DBX2: variants seen among roughly 807,000 people sequenced by gnomAD.
DBX2 encodes homeobox protein DBX2.
A neutral mutation model predicts 17.7 loss-of-function variants in DBX2; 16 were observed. The ratio of observed to expected loss-of-function variants is 0.90; its 90% CI spans 0.61 to 1.37. DBX2 has a LOEUF of 1.37. Among genes scored for constraint, DBX2 ranks in the 40% most tolerant of loss-of-function variants. The pLI is 0.00. For missense variants in DBX2, 538 were observed against 433.8 expected, an observed-to-expected ratio of 1.24 and a Z score of -2.13; for synonymous variants, 255 against 183.8, an observed-to-expected ratio of 1.39 and a Z score of -3.13.
Position 45,015,108 on chromosome 12 carries a change from A to T in DBX2, c.*1178T>A, listed in dbSNP as rs963603944. The T allele has an allele frequency of 9.8e-5, 15 of 152,308 alleles. No individual in the cohort carries two copies. The highest frequency in any genetic ancestry group is 2.6e-4 in the African/African-American group (11 of 41,570). 9.4% of individuals were successfully genotyped at this position (152,308 alleles called of 1,614,324 possible). A position where few individuals can be genotyped will look rare whatever the true frequency, so the allele number is the denominator to read the frequency against. On this transcript the variant is annotated 3_prime_UTR_variant, in exon 4 of 4. Transcript: ENST00000332700. ...AAACATAATTTCTTCTTGGTCCTGG[A>T]GTAAAAACTTCTGGATTAACTCAGC...
chr12:45,028,479 A>C (rs1946393175), intron 2 of DBX2, among the ~76,000 whole-genome samples: 1 of 152,238 alleles, frequency 6.6e-6, no homozygotes, highest in African/African-American at 2.4e-5. Flanking sequence ...ACCAAGATCT[A>C]CATGTTAAAA....
At chr12:45,046,880 A>T (rs748388431) in intron 1 of DBX2, among the ~76,000 whole-genome samples, 27 of 152,230 alleles carry the variant, frequency 1.8e-4, no homozygotes, top group Non-Finnish European at 3.4e-4. Flanking sequence ...TACTTGGCAA[A>T]ACTACTTTTT....
intron 3 of DBX2, among the ~76,000 whole-genome samples, 169 bp downstream of exon 3, chr12:45,023,538 G>T (rs945459714): frequency 6.6e-6 from 1 of 152,038 alleles, no homozygotes; most frequent in Non-Finnish European, 1.5e-5. Context: ...AACACCTCAG[G>T]CTCCAGTACC....
At chr12:45,050,144 G>C (rs1946521538) in intron 1 of DBX2, among the ~76,000 whole-genome samples, 1 of 152,140 alleles carries the variant, frequency 6.6e-6, no homozygotes. Flanking sequence ...CGTGCAGCCC[G>C]GGAAACAGGA....
rs1287373277 is a variant in DBX2, at chr12:45,050,952, CGCGCCCGCCTT to C, written c.-36_-26del. The C allele has an allele frequency of 3.2e-5, 45 of 1,402,904 alleles. 1 individual carries two copies. The highest frequency in any genetic ancestry group is 6.1e-5 in the African/African-American group (4 of 66,092). 86.9% of individuals were successfully genotyped at this position (1,402,904 alleles called of 1,614,324 possible). A position where few individuals can be genotyped will look rare whatever the true frequency, so the allele number is the denominator to read the frequency against. On this transcript the variant is annotated 5_prime_UTR_variant, in exon 1 of 4. Transcript: ENST00000332700. Reference sequence around the variant, plus strand: ...TAGTGCGGCGCCAACCGGTCTGCTGCGCGCCCGCCTTGCGCCCGCCTGTCGCCCGGGCGCCC... The same window carrying C: ...TAGTGCGGCGCCAACCGGTCTGCTGCGCGCCCGCCTGTCGCCCGGGCGCCC...
chr12:45,027,934 A>C (rs1946390017), intron 2 of DBX2, among the ~76,000 whole-genome samples: 1 of 152,250 alleles, frequency 6.6e-6, no homozygotes, highest in Admixed American at 6.5e-5. Context: ...GCCACAATAC[A>C]GTGGGATGAG....
intron 2 of DBX2, among the ~76,000 whole-genome samples, chr12:45,031,221 TGTGTGA>T (rs1463380412): frequency 3.0e-4 from 19 of 64,098 alleles, no homozygotes; most frequent in Admixed American, 1.6e-3. Context: ...TGTGTGTGTG[TGTGTGA>T]GAGAGAGAGA....
At chr12:45,047,720 C>T (rs1946507570) in intron 1 of DBX2, among the ~76,000 whole-genome samples, 1 of 152,052 alleles carries the variant, frequency 6.6e-6, no homozygotes, top group Non-Finnish European at 1.5e-5. Context: ...ATTGGTGATC[C>T]AATTGGCCCT....
chr12:45,041,185 TTAA>T (rs1946469460), intron 1 of DBX2, among the ~76,000 whole-genome samples: 1 of 147,938 alleles, frequency 6.8e-6, no homozygotes, highest in Non-Finnish European at 1.5e-5. Flanking sequence ...TAAATAATAA[TTAA>T]TAAATAATAA....
At chr12:45,018,005 T>C (rs1208741990) in intron 3 of DBX2, among the ~76,000 whole-genome samples, 1 of 152,200 alleles carries the variant, frequency 6.6e-6, no homozygotes, top group Non-Finnish European at 1.5e-5. Context: ...TTTTACTTGA[T>C]TGGCAATGTT....
rs1046908271 is a variant in DBX2 at position 45,050,775 on chromosome 12, C to T, written c.153G>A (p.Thr51=). Residue 51 remains threonine (T), a synonymous_variant, in exon 1 of 4, where the codon ACG becomes ACA. Coordinates refer to ENST00000332700, the MANE Select transcript of DBX2 (RefSeq NM_001004329.3). ...GGGGCGCGGGCGGCTGCAGCCTGGG[C>T]GTTGGGGCGCCCCCGACCCGCAGCA... is the stretch of plus-strand genomic sequence containing the variant. ...ENLLRVGGAP[T]PRLQPPAPHD... 10 of 1,514,650 alleles carry T rather than the reference C, an allele frequency of 6.6e-6. No homozygotes were observed. The highest frequency in any genetic ancestry group is 7.1e-6 in the Non-Finnish European group (8 of 1,132,806). The allele number at this position is 1,514,650 out of a possible 1,614,324, so 93.8% of individuals were successfully genotyped here.
At chr12:45,024,054 T>TG (rs1273214856) in intron 2 of DBX2, among the ~76,000 whole-genome samples, 160 bp from the exon 3 acceptor site, 1 of 152,230 alleles carries the variant, frequency 6.6e-6, no homozygotes, top group Non-Finnish European at 1.5e-5. Flanking sequence ...TTTTTGGCTA[T>TG]GGACTCTCAT....
Position 45,023,877 on chromosome 12 carries a change from G to A in DBX2, c.517C>T (p.Pro173Ser). The change falls in exon 3 of 4, where the codon CCT (proline) becomes TCT (serine). Residue 173 changes from proline to serine, a missense_variant. Coordinates refer to ENST00000332700, the MANE Select transcript of DBX2 (RefSeq NM_001004329.3). ...TAFPREESML[P>S]LLTQDSNSKA... The stretch of plus-strand genomic sequence containing the variant: ...GAATTAGAGTCCTGTGTCAGGAGAG[G>A]CAGCATGCTCTCTTCTCCTAGAGTC... 2 of 1,570,686 alleles carry A rather than the reference G, an allele frequency of 1.3e-6. No individual in the cohort carries two copies. Among genetic ancestry groups the A allele is most frequent in the South Asian group, 1.2e-5 (1 of 81,866 alleles).
Position 45,015,384 on chromosome 12 carries a change from G to C in DBX2, c.*902C>G, listed in dbSNP as rs537322891. On this transcript the variant is annotated 3_prime_UTR_variant, in exon 4 of 4. Coordinates refer to ENST00000332700, the MANE Select transcript of DBX2 (RefSeq NM_001004329.3). The stretch of plus-strand genomic sequence containing the variant: ...GACACCACGGCTTTCTTTAGTCTTA[G>C]CCAGAGGTCACAAACTTCTTGGCAT... 36 of 152,234 alleles carry C rather than the reference G, an allele frequency of 2.4e-4. No homozygotes were observed. The highest frequency in any genetic ancestry group is 8.7e-4 in the African/African-American group (36 of 41,546). The allele number at this position is 152,234 out of a possible 1,614,324, so 9.4% of individuals were successfully genotyped here. A position where few individuals can be genotyped will look rare whatever the true frequency, so the allele number is the denominator to read the frequency against.
rs376211050 is a variant in DBX2 at position 45,050,994 on chromosome 12, C to A, written c.-67G>T. On this transcript the variant is annotated 5_prime_UTR_variant, in exon 1 of 4. Coordinates refer to ENST00000332700, the MANE Select transcript of DBX2 (RefSeq NM_001004329.3). ...CGCCTGTCGCCCGGGCGCCCCGCAC[C>A]GCACCCAGAGCCGCAGCTTCTCGCC... 1.1e-5 allele frequency: 15 copies of A among 1,333,278 alleles called. No individual in the cohort carries two copies. The African/African-American group carries it at 2.0e-4, about 18-fold the overall frequency. The allele number at this position is 1,333,278 out of a possible 1,614,324, so 82.6% of individuals were successfully genotyped here. A position where few individuals can be genotyped will look rare whatever the true frequency, so the allele number is the denominator to read the frequency against.
chr12:45,016,295 C>T lies in DBX2; in HGVS notation c.1011G>A (p.Gly337=), dbSNP rs757087038. The T allele has an allele frequency of 2.6e-6, 4 of 1,566,552 alleles. No homozygotes were observed. In the Admixed American group the frequency reaches 7.7e-5, roughly 30 times the overall value. Residue 337 remains glycine, a synonymous_variant, in exon 4 of 4, where the codon GGG becomes GGA. Coordinates refer to ENST00000332700, the MANE Select transcript of DBX2 (RefSeq NM_001004329.3). ...GGAGGAATGCTTCCATTCAGACAGC[C>T]CCAGTAAGTACACCCTTGCTTCCAG... ...EEAGSKGVLT[G]AV
intron 2 of DBX2, among the ~76,000 whole-genome samples, chr12:45,030,085 T>C (rs774555209): frequency 1.3e-5 from 2 of 151,906 alleles, no homozygotes; most frequent in Admixed American, 6.6e-5. Context: ...TGTGTGTTCA[T>C]GATATTGTTA....
chr12:45,032,744 A>G (rs1333860371), intron 2 of DBX2, among the ~76,000 whole-genome samples: 4 of 152,216 alleles, frequency 2.6e-5, no homozygotes, highest in Admixed American at 1.3e-4. Context: ...TGCTGCTCCA[A>G]ATTTAACCTT....
intron 2 of DBX2, among the ~76,000 whole-genome samples, chr12:45,034,326 C>T (rs150278445): frequency 3.5e-4 from 54 of 152,190 alleles, no homozygotes; most frequent in African/African-American, 1.1e-3. Flanking sequence ...AATTCCACAG[C>T]GATGCCATCA....
Sources: gnomAD v4.1 joint callset for allele counts (sites outside exome capture counted in the v4.1 genomes callset) on GRCh38, gnomAD v4.1.1 for gene constraint, MANE v1.5 for transcripts, NCBI Gene and HGNC (gene_info 2026-07-23, HGNC 2026-07-21) for gene names.